Variants in B4GALT5 observed in about 807,000 individuals in gnomAD.
B4GALT5 encodes the protein UDP-Gal:beta-GlcNAc beta-1,4-galactosyltransferase 5.
B4GALT5 carries 11 observed loss-of-function variants against 45.0 expected under a neutral mutation model. The observed-to-expected ratio is 0.24, with a 90% confidence interval of 0.15 to 0.40. The LOEUF (loss-of-function observed/expected upper bound fraction) is 0.40. Among genes scored for constraint, B4GALT5 ranks in the 10% least tolerant of loss-of-function variants. B4GALT5 has a pLI of 1.00. For synonymous variants in B4GALT5, 185 were observed against 182.9 expected, an observed-to-expected ratio of 1.01 and a Z score of -0.09; for missense variants, 337 against 500.2, an observed-to-expected ratio of 0.67 and a Z score of 3.11.
chr20:49,697,413 G>C (rs1276241349), intron 1 of B4GALT5, among the ~76,000 whole-genome samples: 1 of 152,236 alleles, frequency 6.6e-6, no homozygotes, highest in Non-Finnish European at 1.5e-5. Flanking sequence ...CAATGGGAAA[G>C]CTTAAATCCT....
intron 5 of B4GALT5, among the ~76,000 whole-genome samples, chr20:49,641,264 C>T (rs750058707): frequency 6.6e-6 from 1 of 152,250 alleles, no homozygotes; most frequent in Non-Finnish European, 1.5e-5. Context: ...CCCCGCTCCA[C>T]AAAGGGAAGA....
At chr20:49,653,233 C>T (rs2085629372) in intron 2 of B4GALT5, among the ~76,000 whole-genome samples, 1 of 151,944 alleles carries the variant, frequency 6.6e-6, no homozygotes, top group Non-Finnish European at 1.5e-5. Context: ...TTTCAAGTGT[C>T]GTGTTGGCAC....
Position 49,662,863 on chromosome 20 carries a change from C to G in B4GALT5, c.116-6161G>C, listed in dbSNP as rs558909358. Among the ~76,000 whole-genome samples, 14 of 152,212 alleles carry G rather than the reference C, an allele frequency of 9.2e-5. No homozygotes were observed. In the South Asian group the frequency reaches 2.3e-3, roughly 25 times the overall value. On this transcript the variant is annotated intron_variant, in intron 1 of 8. Coordinates refer to ENST00000371711, the MANE Select transcript of B4GALT5 (RefSeq NM_004776.4). ...AGGGAAAAAAGCCTAAATGACCATC[C>G]AAAGGAGACTGGTTGAATACATTTT... is the stretch of plus-strand genomic sequence containing the variant.
Position 49,681,447 on chromosome 20 carries a change from C to T in B4GALT5, c.116-24745G>A, listed in dbSNP as rs183311015. Among the ~76,000 whole-genome samples, 288 of 71,620 alleles carry T rather than the reference C, an allele frequency of 4.0e-3. 1 individual carries two copies. Among genetic ancestry groups the T allele is most frequent in the Middle Eastern group, 0.017 (2 of 120 alleles). 47.0% of individuals were successfully genotyped at this position (71,620 alleles called of 152,430 possible). On this transcript the variant is annotated intron_variant, in intron 1 of 8. Transcript: ENST00000371711. ...CCCAAGGCCCAGACCCTGGACTTCT[C>T]GATCTACACTCACTCCCTTGGTGAT... is the stretch of plus-strand genomic sequence containing the variant.
intron 1 of B4GALT5, among the ~76,000 whole-genome samples, chr20:49,684,035 G>A (rs1169824686): frequency 6.6e-6 from 1 of 151,878 alleles, no homozygotes; most frequent in Non-Finnish European, 1.5e-5. Flanking sequence ...CAGCTACTTG[G>A]AAGGCTGAGG....
chr20:49,639,671 G>C lies in B4GALT5; in HGVS notation c.917+7C>G, dbSNP rs201256696. The stretch of plus-strand genomic sequence containing the variant: ...TCTAGAAGACACCGAAAGAACGGCA[G>C]AGGTACCTGTTCCAGAGGTCGTCAT... On this transcript the variant is annotated splice_region_variant and intron_variant, in intron 7 of 8. Transcript: ENST00000371711. 19 of 1,613,200 alleles carry C rather than the reference G, an allele frequency of 1.2e-5. No homozygotes were observed. The Admixed American group carries it at 2.0e-4, about 17-fold the overall frequency.
chr20:49,667,541 C>T (rs1385114939), intron 1 of B4GALT5, among the ~76,000 whole-genome samples: 1 of 151,432 alleles, frequency 6.6e-6, no homozygotes, highest in Admixed American at 6.6e-5. Flanking sequence ...GTGTGAGCCA[C>T]CGCGCCCGGC....
intron 2 of B4GALT5, among the ~76,000 whole-genome samples, chr20:49,652,273 T>G (rs950672840): frequency 6.6e-6 from 1 of 151,384 alleles, no homozygotes; most frequent in African/African-American, 2.4e-5. Context: ...TGTTACCAAA[T>G]CCAGTTGAGA....
intron 1 of B4GALT5, among the ~76,000 whole-genome samples, chr20:49,664,470 A>T (rs112763978): frequency 1.6e-3 from 229 of 143,426 alleles, no homozygotes; most frequent in Middle Eastern, 3.7e-3. Context: ...ACACACACAC[A>T]CTTTAGATTC....
In B4GALT5 at chr20:49,706,494, A is replaced by G. The variant is rs536371593; in HGVS notation, c.115+7082T>C. Among the ~76,000 whole-genome samples the G allele has an allele frequency of 3.3e-5, 5 of 152,338 alleles. No homozygotes were observed. In the South Asian group the frequency reaches 6.2e-4, roughly 19 times the overall value. On this transcript the variant is annotated intron_variant, in intron 1 of 8. Coordinates refer to ENST00000371711, the MANE Select transcript of B4GALT5 (RefSeq NM_004776.4). ...AGATGTAGTCAAAAGTTTAGAATTC[A>G]AAGATCTCCCATAACTGATAACATG...
intron 1 of B4GALT5, among the ~76,000 whole-genome samples, chr20:49,705,834 T>TATGAG (rs1224907462): frequency 6.6e-6 from 1 of 151,936 alleles, no homozygotes; most frequent in Non-Finnish European, 1.5e-5. Context: ...CCAAACCTAA[T>TATGAG]CTCAGTTTAA....
chr20:49,707,022 G>A (rs2085887110), intron 1 of B4GALT5, among the ~76,000 whole-genome samples: 1 of 152,086 alleles, frequency 6.6e-6, no homozygotes. Context: ...ATTATACAAG[G>A]CTCCCACTGG....
Position 49,639,776 on chromosome 20 carries a change from G to C in B4GALT5, c.819C>G (p.Gly273=). The change falls in exon 7 of 9, where the codon GGC becomes GGG. Residue 273 remains glycine (G), a synonymous_variant. Transcript: ENST00000371711. ...GTTCCACTGTTAAGCCACTCACTCC[G>C]CCAAAGAACTCGGTATAAGGAAGCC... ...MYLLPYTEFF[G]GVSGLTVEQF... is the part of the protein sequence containing the mutation. 6.2e-7 allele frequency: 1 copy of C among 1,613,220 alleles called. No individual in the cohort carries two copies. Among genetic ancestry groups the C allele is most frequent in the Non-Finnish European group, 8.5e-7 (1 of 1,179,378 alleles).
At chr20:49,688,629 C>T (rs947159977) in intron 1 of B4GALT5, among the ~76,000 whole-genome samples, 2 of 152,066 alleles carry the variant, frequency 1.3e-5, no homozygotes, top group East Asian at 3.9e-4. Context: ...AACAGGCATG[C>T]CAAAAGATAG....
At chr20:49,692,199 T>C (rs920433068) in intron 1 of B4GALT5, among the ~76,000 whole-genome samples, 6 of 151,680 alleles carry the variant, frequency 4.0e-5, no homozygotes, top group African/African-American at 4.8e-5. Context: ...ATAAAAACAA[T>C]AGGTATGTTG....
intron 1 of B4GALT5, among the ~76,000 whole-genome samples, chr20:49,686,136 G>A (rs965385409): frequency 6.6e-6 from 1 of 152,220 alleles, no homozygotes; most frequent in Non-Finnish European, 1.5e-5. Flanking sequence ...AGAAAGGGGA[G>A]CTAACAGCTT....
chr20:49,655,741 C>G (rs2085639910), intron 2 of B4GALT5, among the ~76,000 whole-genome samples: 1 of 151,750 alleles, frequency 6.6e-6, no homozygotes, highest in Non-Finnish European at 1.5e-5. Context: ...CCAACATGGC[C>G]AACATGGTGA....
intron 1 of B4GALT5, among the ~76,000 whole-genome samples, chr20:49,689,257 T>C (rs1047264264): frequency 6.6e-6 from 1 of 152,150 alleles, no homozygotes; most frequent in Non-Finnish European, 1.5e-5. Flanking sequence ...AAAAAATATT[T>C]AGACTCAATG....
At chr20:49,705,510 T>C (rs1411716681) in intron 1 of B4GALT5, among the ~76,000 whole-genome samples, 1 of 152,136 alleles carries the variant, frequency 6.6e-6, no homozygotes. Context: ...CACTGCACAG[T>C]GGGGACCTTG....
Sources: allele counts gnomAD v4.1 joint callset (sites outside exome capture counted in the v4.1 genomes callset), GRCh38; gene constraint gnomAD v4.1.1; transcripts MANE v1.5; gene names NCBI Gene and HGNC (gene_info 2026-07-23, HGNC 2026-07-21).